TNFAIP8: variants seen among roughly 807,000 people sequenced by gnomAD.
TNFAIP8 encodes the protein tumor necrosis factor alpha-induced protein 8.
Under a neutral mutation model 13.3 loss-of-function variants are expected in TNFAIP8, and 7 were observed. That is an observed-to-expected ratio of 0.52 (90% CI 0.30 to 0.99). TNFAIP8 has a LOEUF of 0.99. Ranked by LOEUF, TNFAIP8 falls within the 50% of genes least tolerant of loss-of-function variation. TNFAIP8 has a pLI of 0.07. For synonymous variants in TNFAIP8, 94 were observed against 87.6 expected (o/e 1.07, Z -0.41); for missense variants, 258 against 236.9 (o/e 1.09, Z -0.58).
intron 1 of TNFAIP8, among the ~76,000 whole-genome samples, chr5:119,371,964 C>T (rs1373888848): frequency 2.0e-5 from 3 of 151,494 alleles, no homozygotes; most frequent in African/African-American, 4.9e-5. Context: ...AGTGAAACCC[C>T]GTCTCTGCTA....
At chr5:119,330,886 C>T (rs1207309780) in intron 1 of TNFAIP8, among the ~76,000 whole-genome samples, 1 of 151,846 alleles carries the variant, frequency 6.6e-6, no homozygotes, top group African/African-American at 2.4e-5. Flanking sequence ...GTTGCACTCT[C>T]AGGGGCTGGG....
intron 1 of TNFAIP8, among the ~76,000 whole-genome samples, chr5:119,380,346 A>T (rs1487501849): frequency 6.6e-6 from 1 of 152,250 alleles, no homozygotes; most frequent in East Asian, 1.9e-4. Context: ...CTGGTTCAGT[A>T]ACTTCACTCT....
chr5:119,378,549 C>G (rs1752367410), intron 1 of TNFAIP8, among the ~76,000 whole-genome samples: 1 of 152,008 alleles, frequency 6.6e-6, no homozygotes, highest in Admixed American at 6.6e-5. Flanking sequence ...TGAGAGATGC[C>G]CAAGCTGAGG....
At chr5:119,312,341 A>T (rs776247933) in intron 1 of TNFAIP8, among the ~76,000 whole-genome samples, 10 of 152,220 alleles carry the variant, frequency 6.6e-5, no homozygotes, top group Non-Finnish European at 1.2e-4. Context: ...CAAAGCACTG[A>T]CCTCATATCA....
chr5:119,294,503 A>T (rs1313510615), intron 1 of TNFAIP8, among the ~76,000 whole-genome samples: 1 of 152,116 alleles, frequency 6.6e-6, no homozygotes, highest in Non-Finnish European at 1.5e-5. Flanking sequence ...GCCGCAATAA[A>T]CATACGTGTG....
intron 1 of TNFAIP8, among the ~76,000 whole-genome samples, chr5:119,276,617 G>C (rs1243147586): frequency 2.6e-5 from 4 of 152,084 alleles, no homozygotes; most frequent in Non-Finnish European, 1.5e-5. Context: ...CTCCCTCCTT[G>C]CCTTTCAGAT....
At chr5:119,272,853 T>C (rs1411951714) in intron 1 of TNFAIP8, among the ~76,000 whole-genome samples, 1 of 152,118 alleles carries the variant, frequency 6.6e-6, no homozygotes, top group Non-Finnish European at 1.5e-5. Flanking sequence ...AAAACCAACA[T>C]GGTGATGTTT....
rs397963876 is a variant in TNFAIP8 at position 119,394,611 on chromosome 5, A to ATTTTTTTTTTTTTTTTTTTTTTTTTTTT, written c.*1249_*1250insTTTTTTTTTTTTTTTTTTTTTTTTTTTT. Reference sequence around the variant, plus strand: ...CATTTCCATTGTCACTGTGTCTATGATTTTTTTTTTTTTTTTTTTGAGTCT... The same window carrying ATTTTTTTTTTTTTTTTTTTTTTTTTTTT: ...CATTTCCATTGTCACTGTGTCTATGATTTTTTTTTTTTTTTTTTTTTTTTTTTTTTTTTTTTTTTTTTTTTTTGAGTCT... On this transcript the variant is annotated 3_prime_UTR_variant, in exon 2 of 2. Coordinates refer to ENST00000504771, the MANE Select transcript of TNFAIP8 (RefSeq NM_014350.4). The ATTTTTTTTTTTTTTTTTTTTTTTTTTTT allele has an allele frequency of 4.6e-4, 53 of 114,668 alleles. 3 individuals are homozygous for ATTTTTTTTTTTTTTTTTTTTTTTTTTTT. The highest frequency in any genetic ancestry group is 8.1e-4 in the African/African-American group (20 of 24,786). 7.1% of individuals were successfully genotyped at this position (114,668 alleles called of 1,614,324 possible).
upstream of TNFAIP8, chr5:119,355,100 A>G (rs1439079724): frequency 1.8e-6 from 1 of 541,050 alleles, no homozygotes; most frequent in Non-Finnish European, 3.3e-6. Flanking sequence ...CTCTCAGCCA[A>G]TTTGTAGGGG....
intron 1 of TNFAIP8, among the ~76,000 whole-genome samples, chr5:119,384,306 A>G (rs555468328): frequency 3.5e-4 from 53 of 152,212 alleles, no homozygotes; most frequent in African/African-American, 1.2e-3. Flanking sequence ...CCAACATGGC[A>G]AAACCCCTTC....
At chr5:119,288,999 C>G (rs932236237) in intron 1 of TNFAIP8, among the ~76,000 whole-genome samples, 1 of 152,240 alleles carries the variant, frequency 6.6e-6, no homozygotes, top group Admixed American at 6.5e-5. Flanking sequence ...TGAGAACCAA[C>G]TGCTTCCTAG....
At chr5:119,355,307 G>A, upstream of TNFAIP8, 1 of 701,772 alleles carries the variant, frequency 1.4e-6, no homozygotes, top group East Asian at 2.7e-5. Flanking sequence ...GCAGCAATGA[G>A]TGCCCGGGCT....
chr5:119,300,089 C>T (rs550793059), intron 1 of TNFAIP8, among the ~76,000 whole-genome samples: 26 of 152,364 alleles, frequency 1.7e-4, no homozygotes, highest in South Asian at 6.2e-4. Flanking sequence ...TGCCCTGCTT[C>T]GGCTCGCGCA....
chr5:119,376,987 A>G (rs1752306874), intron 1 of TNFAIP8, among the ~76,000 whole-genome samples: 2 of 152,100 alleles, frequency 1.3e-5, no homozygotes, highest in South Asian at 4.1e-4. Context: ...TTTAGCCTAT[A>G]TTGCTGCTTG....
At chr5:119,282,795 G>C (rs1748673277) in intron 1 of TNFAIP8, among the ~76,000 whole-genome samples, 1 of 152,088 alleles carries the variant, frequency 6.6e-6, no homozygotes, top group South Asian at 2.1e-4. Flanking sequence ...CTTCCTTCCT[G>C]CCCTTTCCTT....
chr5:119,333,467 T>C (rs1750449566), intron 1 of TNFAIP8: 2 of 1,423,996 alleles, frequency 1.4e-6, no homozygotes, highest in South Asian at 3.1e-5. Context: ...ATAAATTATT[T>C]TGAATTATTC....
chr5:119,382,252 A>T (rs1048363286), intron 1 of TNFAIP8, among the ~76,000 whole-genome samples: 3 of 151,968 alleles, frequency 2.0e-5, no homozygotes, highest in African/African-American at 7.3e-5. Context: ...TAATGTTTCC[A>T]CTCTTTGCTA....
rs537599420 is a variant in TNFAIP8, at chr5:119,272,791, A to G, written c.1+3884A>G. Among the ~76,000 whole-genome samples the G allele has an allele frequency of 6.6e-5, 10 of 152,316 alleles. No individual in the cohort carries two copies. In the South Asian group the frequency reaches 8.3e-4, roughly 13 times the overall value. On this transcript the variant is annotated intron_variant, in intron 1 of 1. Transcript: ENST00000274456. ...CAGCTGCAAAGCTGGGTGTGTGCCA[A>G]AAAGGTTGTTTTCCTAGGCTTGCCC...
intron 1 of TNFAIP8, chr5:119,306,578 C>T (rs1168305386): frequency 6.6e-6 from 1 of 152,170 alleles, no homozygotes; most frequent in African/African-American, 2.4e-5. Context: ...AGCGATCCTC[C>T]TGTCTTGGCC....
Sources: gnomAD v4.1 joint callset for allele counts (sites outside exome capture counted in the v4.1 genomes callset) on GRCh38, gnomAD v4.1.1 for gene constraint, MANE v1.5 for transcripts, NCBI Gene and HGNC (gene_info 2026-07-23, HGNC 2026-07-21) for gene names.